AFF2: variants seen among roughly 807,000 people sequenced by gnomAD.
The protein encoded by AFF2 is AF4/FMR2 family member 2.
A neutral mutation model predicts 76.9 loss-of-function variants in AFF2; 14 were observed. That is an observed-to-expected ratio of 0.18 (90% CI 0.12 to 0.28). AFF2 has a LOEUF of 0.28. AFF2 is among the 10% of genes least tolerant of loss of function. The pLI, the probability that AFF2 is intolerant of heterozygous loss-of-function variation, is 1.00. For missense variants in AFF2, 868 were observed against 1,001.1 expected, an observed-to-expected ratio of 0.87 and a Z score of 1.79; for synonymous variants, 398 against 366.7, an observed-to-expected ratio of 1.09 and a Z score of -0.98.
At chrX:148,744,046 A>G (rs1350601358) in intron 3 of AFF2, among the ~76,000 whole-genome samples, 2 of 111,291 alleles carry the variant, frequency 1.8e-5, no homozygotes, top group African/African-American at 6.5e-5. Context: ...CCAAGGAATC[A>G]TATCTCTAAT....
chrX:148,690,234 AT>A (rs2054637566), intron 3 of AFF2, among the ~76,000 whole-genome samples: 1 of 112,230 alleles, frequency 8.9e-6, no homozygotes, highest in Non-Finnish European at 1.9e-5. Context: ...TGATCAAATA[AT>A]CAGGAAAGAG....
At chrX:148,953,798 AACACACACACACACAG>A (rs1359478530) in intron 10 of AFF2, 59 bp downstream of exon 10, 11 of 836,880 alleles carry the variant, frequency 1.3e-5, no homozygotes, top group African/African-American at 2.3e-5. Context: ...CAGCACCCTC[AACACACACACACACAG>A]ACACACACAC....
At chrX:148,988,260 A>T (rs1327159086) in intron 20 of AFF2, among the ~76,000 whole-genome samples, 3 of 112,188 alleles carry the variant, frequency 2.7e-5, no homozygotes, top group South Asian at 3.7e-4. Context: ...TGTCTCAGCC[A>T]TTCATTTGAC....
chrX:148,885,604 T>C (rs1180618017), intron 7 of AFF2, among the ~76,000 whole-genome samples: 1 of 111,764 alleles, frequency 8.9e-6, no homozygotes, highest in Non-Finnish European at 1.9e-5. Context: ...TATTGCACTT[T>C]TAGTAGTAAA....
chrX:148,529,755 A>G (rs1240310839), intron 1 of AFF2, among the ~76,000 whole-genome samples: 1 of 111,847 alleles, frequency 8.9e-6, no homozygotes, highest in African/African-American at 3.3e-5. Flanking sequence ...AAACCAAAGA[A>G]TGAGGCTTCT....
intron 3 of AFF2, among the ~76,000 whole-genome samples, chrX:148,803,439 C>T (rs1349151443): frequency 9.0e-6 from 1 of 111,359 alleles, no homozygotes; most frequent in East Asian, 2.8e-4. Context: ...AGAATGGCCT[C>T]ACTGACTAGC....
chrX:148,747,938 A>G (rs781912307), intron 3 of AFF2, among the ~76,000 whole-genome samples: 4 of 111,715 alleles, frequency 3.6e-5, no homozygotes, highest in African/African-American at 1.3e-4. Flanking sequence ...TTTCTATCAA[A>G]CAGTGCAACA....
intron 9 of AFF2, among the ~76,000 whole-genome samples, chrX:148,945,336 A>T (rs1388007741): frequency 3.6e-5 from 4 of 112,546 alleles, no homozygotes; most frequent in Non-Finnish European, 7.5e-5. Flanking sequence ...TCAGATTAAA[A>T]ATGATACAAG....
At chrX:148,507,529 CT>C (rs1468950982) in intron 1 of AFF2, among the ~76,000 whole-genome samples, 1 of 111,725 alleles carries the variant, frequency 9.0e-6, no homozygotes, top group Non-Finnish European at 1.9e-5. Flanking sequence ...ATTCCTCCAG[CT>C]TTCCTTGAGT....
chrX:148,603,543 T>G (rs1557248389), intron 1 of AFF2, among the ~76,000 whole-genome samples: 1 of 110,094 alleles, frequency 9.1e-6, no homozygotes, highest in Non-Finnish European at 1.9e-5. Flanking sequence ...ATTTTTATTT[T>G]AGGGGGAGAC....
chrX:148,766,082 A>G (rs1444697839), intron 3 of AFF2, among the ~76,000 whole-genome samples: 1 of 109,737 alleles, frequency 9.1e-6, no homozygotes, highest in African/African-American at 3.3e-5. Context: ...TATGTGCCAC[A>G]TTTTCTTAAT....
rs1443042257 is a variant in AFF2 at position 148,997,697 on chromosome X, TAATTGGCATTAC to T, written c.*6367_*6378del. The T allele has an allele frequency of 9.0e-6, 1 of 110,931 alleles. No individual in the cohort carries two copies. Among genetic ancestry groups the T allele is most frequent in the Non-Finnish European group, 1.9e-5 (1 of 52,558 alleles). 9.1% of individuals were successfully genotyped at this position (110,931 alleles called of 1,213,427 possible). On this transcript the variant is annotated 3_prime_UTR_variant, in exon 21 of 21. Coordinates refer to ENST00000370460, the MANE Select transcript of AFF2 (RefSeq NM_002025.4). The stretch of plus-strand genomic sequence containing the variant: ...AAAATGGTAACATCCGGGTCTGATT[TAATTGGCATTAC>T]ACTTACACAGGGACTCTGAGCACCC...
rs782141302 is a variant in AFF2 at position 148,842,950 on chromosome X, A to G, written c.1174-16A>G. 6.8e-6 allele frequency: 8 copies of G among 1,183,339 alleles called. No individual in the cohort carries two copies. The South Asian group carries it at 1.5e-4, about 22-fold the overall frequency. ...CATTTAACTAATGTTTGTGTCATAT[A>G]TATTATTCCTTATAGGAATCGCAGC... On this transcript the variant is annotated splice_polypyrimidine_tract_variant and intron_variant, in intron 5 of 20. Coordinates refer to ENST00000370460, the MANE Select transcript of AFF2 (RefSeq NM_002025.4).
chrX:148,694,916 A>G (rs1214771855), intron 3 of AFF2, among the ~76,000 whole-genome samples: 1 of 105,325 alleles, frequency 9.5e-6, no homozygotes, highest in Non-Finnish European at 1.9e-5. Context: ...CCCGGGTTCA[A>G]GCAATTCTCC....
intron 3 of AFF2, among the ~76,000 whole-genome samples, chrX:148,700,085 A>T (rs1305344799): frequency 9.0e-6 from 1 of 111,619 alleles, no homozygotes; most frequent in Non-Finnish European, 1.9e-5. Context: ...TATCAGTGAC[A>T]TATTTGGGTT....
At chrX:148,984,093 G>A (rs1418702374) in intron 19 of AFF2, among the ~76,000 whole-genome samples, 1 of 110,351 alleles carries the variant, frequency 9.1e-6, no homozygotes, top group Non-Finnish European at 1.9e-5. Context: ...GGGCTGCTGA[G>A]GATAGGGGAG....
chrX:148,645,464 A>G (rs782128452), intron 1 of AFF2, among the ~76,000 whole-genome samples: 47 of 112,449 alleles, frequency 4.2e-4, no homozygotes, highest in Non-Finnish European at 8.3e-4. Flanking sequence ...TCTGGATGCC[A>G]TCTTTTTTGG....
intron 9 of AFF2, among the ~76,000 whole-genome samples, chrX:148,925,558 G>A (rs2071641993): frequency 1.8e-5 from 2 of 111,994 alleles, no homozygotes; most frequent in South Asian, 7.5e-4. Flanking sequence ...CAAGCCTCCT[G>A]TAAGGCTTTC....
Position 148,849,606 on chromosome X carries a change from G to A in AFF2, c.1262+6173G>A, listed in dbSNP as rs1349974080. 2.7e-5 allele frequency among the ~76,000 whole-genome samples: 3 copies of A among 110,975 alleles called. 1 individual carries two copies. Among genetic ancestry groups the A allele is most frequent in the Non-Finnish European group, 5.7e-5 (3 of 53,026 alleles). ...TGAAGATAAGACTAGCACCGACAAT[G>A]CCAGCAACCCAACTAACTCATACTT... On this transcript the variant is annotated intron_variant, in intron 7 of 20. Transcript: ENST00000370460.
Sources: gnomAD v4.1 joint callset for allele counts (sites outside exome capture counted in the v4.1 genomes callset) on GRCh38, gnomAD v4.1.1 for gene constraint, MANE v1.5 for transcripts, NCBI Gene and HGNC (gene_info 2026-07-23, HGNC 2026-07-21) for gene names.